The following CACFD1 variants were observed in gnomAD, a reference collection of about 807,000 sequenced individuals.
The protein encoded by CACFD1 is calcium channel flower homolog.
CACFD1 carries 26 observed loss-of-function variants against 21.3 expected under a neutral mutation model. The ratio of observed to expected loss-of-function variants is 1.22; its 90% CI spans 0.89 to 1.69. The LOEUF (loss-of-function observed/expected upper bound fraction) is 1.69. Among genes scored for constraint, CACFD1 ranks in the 40% most tolerant of loss-of-function variants. The pLI is 0.00. For synonymous variants in CACFD1, 121 were observed against 106.6 expected (o/e 1.13, Z -0.83); for missense variants, 265 against 236.2 (o/e 1.12, Z -0.80).
intron 2 of CACFD1, among the ~76,000 whole-genome samples, chr9:133,464,007 G>C (rs1554799043): frequency 6.6e-6 from 1 of 152,244 alleles, no homozygotes; most frequent in Non-Finnish European, 1.5e-5. Flanking sequence ...GCTCGGAGCT[G>C]TGCCAAAGAT....
At chr9:133,460,483 G>GGGGGCGGCGGGGGCGGGGGGGGGGC (rs1554798208) in intron 1 of CACFD1, among the ~76,000 whole-genome samples, 10 of 124,630 alleles carry the variant, frequency 8.0e-5, no homozygotes, top group Admixed American at 6.0e-4. Flanking sequence ...GCGGGGGCGG[G>GGGGGCGGCGGGGGCGGGGGGGGGGC]GGTGGGGCAC....
In CACFD1 at chr9:133,468,761, G is replaced by C; in HGVS notation, c.*108G>C. Reference sequence around the variant, plus strand: ...ACAGCCTGGAGAGGGGCCTTTGCACGTGTCCCTACACCTGGAGTCCTCTGC... The same window carrying C: ...ACAGCCTGGAGAGGGGCCTTTGCACCTGTCCCTACACCTGGAGTCCTCTGC... On this transcript the variant is annotated 3_prime_UTR_variant, in exon 5 of 5. Transcript: ENST00000316948. The C allele has an allele frequency of 1.4e-6, 2 of 1,441,170 alleles. No homozygotes were observed. The highest frequency in any genetic ancestry group is 1.4e-5 in the African/African-American group (1 of 70,302). The allele number at this position is 1,441,170 out of a possible 1,614,324, so 89.3% of individuals were successfully genotyped here. A position where few individuals can be genotyped will look rare whatever the true frequency, so the allele number is the denominator to read the frequency against.
At chr9:133,463,599 G>T in intron 2 of CACFD1, 44 bp downstream of exon 2, 1 of 1,603,812 alleles carries the variant, frequency 6.2e-7, no homozygotes, top group South Asian at 1.1e-5. Flanking sequence ...CTTGCTGGTC[G>T]GGAATCTGCT....
rs1554799839 is a variant in CACFD1, at chr9:133,467,918, C to T, written c.321-3C>T. 1 of 1,610,248 alleles carries T rather than the reference C, an allele frequency of 6.2e-7. No individual in the cohort carries two copies. The highest frequency in any genetic ancestry group is 1.1e-5 in the South Asian group (1 of 90,982). On this transcript the variant is annotated splice_polypyrimidine_tract_variant and splice_region_variant and intron_variant, in intron 3 of 4. Coordinates refer to ENST00000316948, the MANE Select transcript of CACFD1 (RefSeq NM_017586.5). ...GCCCCCTTGACCTCTGCTTTCCCCCCAGGATGGCGGTCGTTCCCATCGTCA... is the reference window on the plus strand; with the variant it reads ...GCCCCCTTGACCTCTGCTTTCCCCCTAGGATGGCGGTCGTTCCCATCGTCA...
At position 133,468,898 on chromosome 9, in the gene CACFD1, A is replaced by G. The variant is rs1588233238; in HGVS notation, c.*245A>G. The G allele has an allele frequency of 3.5e-6, 2 of 567,092 alleles. No individual in the cohort carries two copies. Among genetic ancestry groups the G allele is most frequent in the Non-Finnish European group, 5.9e-6 (2 of 338,198 alleles). The allele number at this position is 567,092 out of a possible 1,614,324, so 35.1% of individuals were successfully genotyped here. On this transcript the variant is annotated 3_prime_UTR_variant, in exon 5 of 5. Transcript: ENST00000316948. ...AGCTGTGTGGACACTACCCAGCCCTACTCCTCTGCTGGGTGGGTCTGCAGA... is the reference window on the plus strand; with the variant it reads ...AGCTGTGTGGACACTACCCAGCCCTGCTCCTCTGCTGGGTGGGTCTGCAGA...
rs1843115409 is a variant in CACFD1 at position 133,460,459 on chromosome 9, A to AGGGCGGGGGGGCGGCGGGGGGGCGGCGG, written c.121+292_121+293insGGCGGCGGGGGCGGGGGGGCGGCGGGGG. ...CATTCCCGGAGGGACCAGAAACCCC[A>AGGGCGGGGGGGCGGCGGGGGGGCGGCGG]GGGCGGGGGGGCGGCGGGGGCGGGG... On this transcript the variant is annotated intron_variant, in intron 1 of 4. Coordinates refer to ENST00000316948, the MANE Select transcript of CACFD1 (RefSeq NM_017586.5). Among the ~76,000 whole-genome samples, 18 of 69,818 alleles carry AGGGCGGGGGGGCGGCGGGGGGGCGGCGG rather than the reference A, an allele frequency of 2.6e-4. 2 individuals carry two copies. Among genetic ancestry groups the AGGGCGGGGGGGCGGCGGGGGGGCGGCGG allele is most frequent in the Middle Eastern group, 7.6e-3 (1 of 132 alleles). 45.8% of individuals were successfully genotyped at this position (69,818 alleles called of 152,430 possible). A position where few individuals can be genotyped will look rare whatever the true frequency, so the allele number is the denominator to read the frequency against.
intron 1 of CACFD1, 124 bp from the exon 2 acceptor site, chr9:133,463,358 CT>C: frequency 6.5e-7 from 1 of 1,550,294 alleles, no homozygotes; most frequent in African/African-American, 1.4e-5. Context: ...CTTCTGGGTG[CT>C]GTGAGAACTG....
intron 3 of CACFD1, among the ~76,000 whole-genome samples, chr9:133,466,448 G>C (rs887744316): frequency 2.0e-5 from 3 of 152,076 alleles, no homozygotes; most frequent in African/African-American, 7.2e-5. Context: ...TTTTCACTTA[G>C]AGTAATGATA....
Position 133,465,058 on chromosome 9 carries a change from G to A in CACFD1, c.195-264G>A. ...AGGAGGAGGATAAAGGGAAGCAGAA[G>A]CCCAGGGGCTTCCCTCTAGGAGTGT... On this transcript the variant is annotated intron_variant, in intron 2 of 4. Transcript: ENST00000316948. This position sits in a 1 kb window ranked among gnomAD's most constrained non-coding sequence, Gnocchi z 5.0. 2.1e-6 allele frequency: 1 copy of A among 469,442 alleles called. No homozygotes were observed. The highest frequency in any genetic ancestry group is 3.8e-6 in the Non-Finnish European group (1 of 261,984). The allele number at this position is 469,442 out of a possible 1,614,324, so 29.1% of individuals were successfully genotyped here.
At chr9:133,467,081 CACA>C (rs1554799702) in intron 3 of CACFD1, among the ~76,000 whole-genome samples, 1 of 152,050 alleles carries the variant, frequency 6.6e-6, no homozygotes, top group African/African-American at 2.4e-5. Context: ...AGAAAAATCT[CACA>C]ACCACATGTC....
At position 133,468,715 on chromosome 9, in the gene CACFD1, C is replaced by G. The variant is rs1554800245; in HGVS notation, c.*62C>G. The G allele has an allele frequency of 6.6e-7, 1 of 1,506,648 alleles. No individual in the cohort carries two copies. Among genetic ancestry groups the G allele is most frequent in the South Asian group, 1.3e-5 (1 of 78,900 alleles). The allele number at this position is 1,506,648 out of a possible 1,614,324, so 93.3% of individuals were successfully genotyped here. ...GGCTCTGTGTGGGTCCAAGTGAGGC[C>G]TGGACTGTCCACGCTGAGGCACAGC... is the stretch of plus-strand genomic sequence containing the variant. On this transcript the variant is annotated 3_prime_UTR_variant, in exon 5 of 5. Coordinates refer to ENST00000316948, the MANE Select transcript of CACFD1 (RefSeq NM_017586.5).
intron 3 of CACFD1, among the ~76,000 whole-genome samples, chr9:133,466,509 A>G (rs1843441633): frequency 6.6e-6 from 1 of 152,220 alleles, no homozygotes; most frequent in African/African-American, 2.4e-5. Flanking sequence ...CAATACAGGA[A>G]TATTCATTCA....
chr9:133,465,001 T>G lies in CACFD1; in HGVS notation c.195-321T>G. 7.1e-6 allele frequency: 2 copies of G among 282,150 alleles called. No homozygotes were observed. Among genetic ancestry groups the G allele is most frequent in the Non-Finnish European group, 1.4e-5 (2 of 147,812 alleles). The allele number at this position is 282,150 out of a possible 1,614,324, so 17.5% of individuals were successfully genotyped here. ...CTGCCGCAGCGTTGTAGCAGTGCCA[T>G]GATGTGGGGTCCCCTTTCCTCCATG... On this transcript the variant is annotated intron_variant, in intron 2 of 4. Coordinates refer to ENST00000316948, the MANE Select transcript of CACFD1 (RefSeq NM_017586.5). This position sits in a 1 kb window ranked among gnomAD's most constrained non-coding sequence, Gnocchi z 5.0.
At chr9:133,468,161 G>T in intron 4 of CACFD1, 133 bp downstream of exon 4, 1 of 1,024,124 alleles carries the variant, frequency 9.8e-7, no homozygotes. Flanking sequence ...TAACTCATTG[G>T]TGCCTCCAGG....
chr9:133,461,589 C>T (rs1843221329), intron 1 of CACFD1, among the ~76,000 whole-genome samples: 1 of 152,190 alleles, frequency 6.6e-6, no homozygotes, highest in Non-Finnish European at 1.5e-5. Context: ...ACACCTCCTT[C>T]CTTCTTGGTC....
chr9:133,465,491 A>T lies in CACFD1; in HGVS notation c.320+44A>T. 6.4e-7 allele frequency: 1 copy of T among 1,563,688 alleles called. No individual in the cohort carries two copies. Among genetic ancestry groups the T allele is most frequent in the East Asian group, 2.3e-5 (1 of 44,116 alleles). On this transcript the variant is annotated intron_variant, in intron 3 of 4. Coordinates refer to ENST00000316948, the MANE Select transcript of CACFD1 (RefSeq NM_017586.5). The surrounding 1 kb of genome is among the most constrained non-coding windows in gnomAD (Gnocchi z 5.0). Reference sequence around the variant, plus strand: ...GGGTCCCGTGACACAGTTCCCCAAAACCCCACTGACAAAATAGGACCCAAA... The same window carrying T: ...GGGTCCCGTGACACAGTTCCCCAAATCCCCACTGACAAAATAGGACCCAAA...
At chr9:133,464,869 G>A (rs1843368687) in intron 2 of CACFD1, among the ~76,000 whole-genome samples, 1 of 152,206 alleles carries the variant, frequency 6.6e-6, no homozygotes, top group South Asian at 2.1e-4. Flanking sequence ...CTCCCTGGTG[G>A]GGCAGCCTTC....
intron 1 of CACFD1, among the ~76,000 whole-genome samples, chr9:133,460,471 C>CGGCGGGGGGGCGGCGGG (rs1554798189): frequency 6.4e-5 from 8 of 125,892 alleles, no homozygotes; most frequent in East Asian, 4.4e-4. Flanking sequence ...GGCGGGGGGG[C>CGGCGGGGGGGCGGCGGG]GGCGGGGGCG....
At position 133,462,882 on chromosome 9, in the gene CACFD1, C is replaced by T. The variant is rs587680020; in HGVS notation, c.122-601C>T. On this transcript the variant is annotated intron_variant, in intron 1 of 4. Coordinates refer to ENST00000316948, the MANE Select transcript of CACFD1 (RefSeq NM_017586.5). ...ACTTGCTCATGTGCAAGAGGAGAAA[C>T]GGGTCTAGGAAGATGAAGATAGCGT... 9.8e-5 allele frequency among the ~76,000 whole-genome samples: 15 copies of T among 152,318 alleles called. No individual in the cohort carries two copies. In the South Asian group the frequency reaches 2.9e-3, roughly 29 times the overall value.
Sources: gnomAD v4.1 joint callset for allele counts (sites outside exome capture counted in the v4.1 genomes callset) on GRCh38, gnomAD v4.1.1 for gene constraint, Gnocchi (gnomAD v3.1) non-coding constraint, MANE v1.5 for transcripts, NCBI Gene and HGNC (gene_info 2026-07-23, HGNC 2026-07-21) for gene names.